The following PRRC2A variants were observed in gnomAD, a reference collection of about 807,000 sequenced individuals.
The protein encoded by PRRC2A is protein PRRC2A.
PRRC2A carries 59 observed loss-of-function variants against 224.6 expected under a neutral mutation model. The ratio of observed to expected loss-of-function variants is 0.26; its 90% CI spans 0.21 to 0.33. PRRC2A has a LOEUF of 0.33. Among genes scored for constraint, PRRC2A ranks in the 10% least tolerant of loss-of-function variants. PRRC2A has a pLI of 1.00. For synonymous variants in PRRC2A, 1,194 were observed against 1,109.5 expected (o/e 1.08, Z -1.51); for missense variants, 3,095 against 2,880.7 (o/e 1.07, Z -1.70).
chr6:31,630,522 A>G, intron 14 of PRRC2A, 69 bp from the exon 15 acceptor site: 16 of 1,532,836 alleles, frequency 1.0e-5, no homozygotes, highest in South Asian at 1.1e-5. Context: ...CCGCGAGGGG[A>G]GATGCTTTTT....
In PRRC2A at chr6:31,626,038, G is replaced by A. The variant is rs147717718; in HGVS notation, c.858G>A (p.Ala286=). 3.7e-6 allele frequency: 6 copies of A among 1,605,476 alleles called. No individual in the cohort carries two copies. Among genetic ancestry groups the A allele is most frequent in the Non-Finnish European group, 5.1e-6 (6 of 1,176,718 alleles). ...PDGPSRFPRV[A]GPRGSGPPMR... is the part of the protein sequence containing the mutation. The stretch of plus-strand genomic sequence containing the variant: ...TGTACAGCCGTTTTCCCCGTGTGGC[G>A]GGCCCCCGAGGCTCAGGGCCACCAA... The change falls in exon 9 of 31, where the codon GCG becomes GCA. Residue 286 remains alanine, a synonymous_variant. Transcript: ENST00000376033.
Position 31,633,596 on chromosome 6 carries a change from A to C in PRRC2A, c.4537A>C (p.Arg1513=). The C allele has an allele frequency of 6.2e-7, 1 of 1,612,898 alleles. No homozygotes were observed. The highest frequency in any genetic ancestry group is 8.5e-7 in the Non-Finnish European group (1 of 1,179,884). ...CCAAGCCCCTCAGGGCCCCTCTCCT[A>C]GGCCCCCAACCCGATACGAGCCCCA... ...LPQAPQGPSP[R]PPTRYEPQRV... The change falls in exon 17 of 31, where the codon AGG becomes CGG. Residue 1513 remains arginine, a synonymous_variant. Coordinates refer to ENST00000376033, the MANE Select transcript of PRRC2A (RefSeq NM_004638.4).
rs1424331062 is a variant in PRRC2A, at chr6:31,628,042, C to T, written c.1568C>T (p.Ala523Val). 6.2e-7 allele frequency: 1 copy of T among 1,612,798 alleles called. No individual in the cohort carries two copies. The highest frequency in any genetic ancestry group is 1.3e-5 in the African/African-American group (1 of 75,046). The change falls in exon 12 of 31, where the codon GCA becomes GTA. Residue 523 changes from alanine to valine, a missense_variant. By Grantham distance (64) the Ala-to-Val change is moderately conservative. This residue lies in a region of PRRC2A where 2,001 missense variants were observed against 1,764.9 expected (regional missense o/e 1.13). Transcript: ENST00000376033. ...CCTTCTACCCCAGCTCCACCACCTG[C>T]AGTCCCTAAAGAACTCCCTGCACCT... ...AAPSTPAPPPAVPKELPAPPA... is the reference protein window; with the variant it reads ...AAPSTPAPPPVVPKELPAPPA...
rs773441075 is a variant in PRRC2A at position 31,631,698 on chromosome 6, C to T, written c.3025C>T (p.Leu1009Phe). 6.6e-7 allele frequency: 1 copy of T among 1,516,728 alleles called. No individual in the cohort carries two copies. The highest frequency in any genetic ancestry group is 2.3e-5 in the East Asian group (1 of 43,718). The allele number at this position is 1,516,728 out of a possible 1,614,324, so 94.0% of individuals were successfully genotyped here. A position where few individuals can be genotyped will look rare whatever the true frequency, so the allele number is the denominator to read the frequency against. Reference sequence around the variant, plus strand: ...TGGAAATCTTTCCCCTGCCCCAAGGCTTCGGAGGGACTATTCGTATGAAAG... The same window carrying T: ...TGGAAATCTTTCCCCTGCCCCAAGGTTTCGGAGGGACTATTCGTATGAAAG... ...PNGNLSPAPR[L>F]RRDYSYERVG... The change falls in exon 16 of 31, where the codon CTT becomes TTT. Residue 1009 changes from leucine (L) to phenylalanine (F), a missense_variant. Leu to Phe is a conservative substitution (Grantham distance 22, BLOSUM62 0). This residue lies in a region of PRRC2A where 2,001 missense variants were observed against 1,764.9 expected (regional missense o/e 1.13). Transcript: ENST00000376033. This position sits in a 1 kb window ranked among gnomAD's most constrained non-coding sequence, Gnocchi z 4.5.
At position 31,636,081 on chromosome 6, in the gene PRRC2A, A is replaced by G. The variant is rs747008651; in HGVS notation, c.5624+32A>G. Reference sequence around the variant, plus strand: ...CTCGATGCCTGTGGATCACAGAAGTACTTGGAGATGTGTTTCGGGGAGAGG... The same window carrying G: ...CTCGATGCCTGTGGATCACAGAAGTGCTTGGAGATGTGTTTCGGGGAGAGG... On this transcript the variant is annotated intron_variant, in intron 25 of 30. Transcript: ENST00000376033. The surrounding 1 kb of genome is among the most constrained non-coding windows in gnomAD (Gnocchi z 4.3). The G allele has an allele frequency of 6.3e-7, 1 of 1,587,818 alleles. No homozygotes were observed. The highest frequency in any genetic ancestry group is 8.6e-7 in the Non-Finnish European group (1 of 1,156,408).
chr6:31,625,517 A>G lies in PRRC2A; in HGVS notation c.665A>G (p.Asp222Gly). ...GGCCCTGATGAGCTGGAGGGCCCGG[A>G]CTCCAAACTTCATCATGGTCATGAT... ...GRGPDELEGP[D>G]SKLHHGHDPR... The change falls in exon 7 of 31, where the codon GAC becomes GGC. Residue 222 changes from aspartate to glycine, a missense_variant. Transcript: ENST00000376033. This position sits in a 1 kb window ranked among gnomAD's most constrained non-coding sequence, Gnocchi z 4.1. 1 of 1,581,114 alleles carries G rather than the reference A, an allele frequency of 6.3e-7. No homozygotes were observed. Among genetic ancestry groups the G allele is most frequent in the Non-Finnish European group, 8.6e-7 (1 of 1,159,920 alleles).
intron 14 of PRRC2A, 101 bp downstream of exon 14, chr6:31,629,946 A>G: frequency 6.5e-7 from 1 of 1,530,356 alleles, no homozygotes; most frequent in Non-Finnish European, 8.8e-7. Flanking sequence ...GGTTTTGCCC[A>G]TCATAGTGAT....
At position 31,631,894 on chromosome 6, in the gene PRRC2A, A is replaced by G. The variant is rs1024198900; in HGVS notation, c.3221A>G (p.Asn1074Ser). Residue 1074 changes from asparagine to serine, a missense_variant, in exon 16 of 31, where the codon AAC becomes AGC. Around this residue, in one of 8 missense-constraint regions of PRRC2A, gnomAD observed 2,001 missense variants for 1,764.9 expected, o/e 1.13. Coordinates refer to ENST00000376033, the MANE Select transcript of PRRC2A (RefSeq NM_004638.4). The surrounding 1 kb of genome is among the most constrained non-coding windows in gnomAD (Gnocchi z 4.5). ...CGTGGAGGTGGGACAGGGGGACCAA[A>G]CCACCCTCCTGCTCCCCGAGGCCGC... Reference protein sequence around the residue: ...DGRGGGTGGPNHPPAPRGRTA... With the variant: ...DGRGGGTGGPSHPPAPRGRTA... 6.2e-7 allele frequency: 1 copy of G among 1,611,522 alleles called. No individual in the cohort carries two copies. Among genetic ancestry groups the G allele is most frequent in the South Asian group, 1.1e-5 (1 of 90,894 alleles).
rs1389851793 is a variant in PRRC2A, at chr6:31,632,314, T to C, written c.3641T>C (p.Ile1214Thr). 1 of 1,613,118 alleles carries C rather than the reference T, an allele frequency of 6.2e-7. No homozygotes were observed. Among genetic ancestry groups the C allele is most frequent in the Admixed American group, 1.7e-5 (1 of 59,986 alleles). ...AAGGAGCCTTTGAAAGAGAAGTTGA[T>C]CCCAGGGCCTCTGTCCCCTGTGGCG... ...PSKEPLKEKLIPGPLSPVARG... is the reference protein window; with the variant it reads ...PSKEPLKEKLTPGPLSPVARG... Residue 1214 changes from isoleucine (I) to threonine (T), a missense_variant, in exon 16 of 31, where the codon ATC becomes ACC. Transcript: ENST00000376033.
rs1777001120 is a variant in PRRC2A, at chr6:31,633,916, ACTCTGCCGGGGTTAGTCC to A, written c.4649_4666del (p.Ser1550_Pro1555del). The A allele has an allele frequency of 6.3e-7, 1 of 1,585,266 alleles. No individual in the cohort carries two copies. Among genetic ancestry groups the A allele is most frequent in the Admixed American group, 2.0e-5 (1 of 49,352 alleles). ...AGAGGGGTGGGTGGGACTCCTCGGG[ACTCTGCCGGGGTTAGTCC>A]CTTTCCCCCTAAACGTCGGGAGCGG... On this transcript the variant is annotated inframe_deletion, in exon 18 of 31. Transcript: ENST00000376033.
rs755647076 is a variant in PRRC2A at position 31,637,309 on chromosome 6, C to G, written c.6318C>G (p.Val2106=). The G allele has an allele frequency of 3.7e-6, 6 of 1,611,836 alleles. No homozygotes were observed. The highest frequency in any genetic ancestry group is 4.5e-5 in the East Asian group (2 of 44,872). ...GTGGAGTCTTCCGCACCCAGCGCGT[C>G]GACCTTTACCAGCAGGTGAAGGAGA... ...TYSGVFRTQR[V]DLYQQASPPD... Residue 2106 remains valine (V), a synonymous_variant, in exon 30 of 31, where the codon GTC becomes GTG. Transcript: ENST00000376033.
chr6:31,631,356 G>A lies in PRRC2A; in HGVS notation c.2683G>A (p.Gly895Arg). 1 of 1,602,258 alleles carries A rather than the reference G, an allele frequency of 6.2e-7. No individual in the cohort carries two copies. Among genetic ancestry groups the A allele is most frequent in the East Asian group, 2.2e-5 (1 of 44,728 alleles). Reference protein sequence around the residue: ...PPKEETAQLTGPEAGRKPARG... With the variant: ...PPKEETAQLTRPEAGRKPARG... ...TAAGGAGGAGACTGCACAGCTGACGGGGCCAGAAGCAGGCCGAAAGCCTGC... is the reference window on the plus strand; with the variant it reads ...TAAGGAGGAGACTGCACAGCTGACGAGGCCAGAAGCAGGCCGAAAGCCTGC... The change falls in exon 16 of 31, where the codon GGG becomes AGG. Residue 895 changes from glycine to arginine, a missense_variant. Gly to Arg is a moderately radical substitution (Grantham distance 125, BLOSUM62 -2). Coordinates refer to ENST00000376033, the MANE Select transcript of PRRC2A (RefSeq NM_004638.4). The surrounding 1 kb of genome is among the most constrained non-coding windows in gnomAD (Gnocchi z 4.5).
Position 31,626,152 on chromosome 6 carries a change from T to C in PRRC2A, c.972T>C (p.Asp324=), listed in dbSNP as rs772565945. The change falls in exon 9 of 31, where the codon GAT becomes GAC. Residue 324 remains aspartate, a synonymous_variant. Coordinates refer to ENST00000376033, the MANE Select transcript of PRRC2A (RefSeq NM_004638.4). ...ATCAGTTGGATCAGGAGAATGATGA[T>C]GGTTGGGCAGGTAAGTGGATATTAA... ...EFDQLDQEND[D]GWAGAHEEVD... The C allele has an allele frequency of 8.1e-6, 13 of 1,612,274 alleles. No homozygotes were observed. The highest frequency in any genetic ancestry group is 1.1e-5 in the South Asian group (1 of 90,920).
In PRRC2A at chr6:31,625,996, T is replaced by C; in HGVS notation, c.840-24T>C. On this transcript the variant is annotated intron_variant, in intron 8 of 30. Transcript: ENST00000376033. The surrounding 1 kb of genome is among the most constrained non-coding windows in gnomAD (Gnocchi z 4.1). ...GCATGTGGTTATACAACATGCCATA[T>C]TTCATTTTCTTTTTTGTGTACAGCC... is the stretch of plus-strand genomic sequence containing the variant. The C allele has an allele frequency of 6.2e-7, 1 of 1,609,910 alleles. No individual in the cohort carries two copies. The highest frequency in any genetic ancestry group is 2.2e-5 in the East Asian group (1 of 44,844).
rs768923086 is a variant in PRRC2A at position 31,633,917 on chromosome 6, C to T, written c.4647C>T (p.Asp1549=). The T allele has an allele frequency of 1.9e-6, 3 of 1,585,846 alleles. No individual in the cohort carries two copies. Among genetic ancestry groups the T allele is most frequent in the Admixed American group, 2.0e-5 (1 of 49,426 alleles). Residue 1549 remains aspartate (D), a synonymous_variant, in exon 18 of 31, where the codon GAC becomes GAT. Coordinates refer to ENST00000376033, the MANE Select transcript of PRRC2A (RefSeq NM_004638.4). ...GAGGGGTGGGTGGGACTCCTCGGGA[C>T]TCTGCCGGGGTTAGTCCCTTTCCCC... ...MVRGVGGTPR[D]SAGVSPFPPK... is the part of the protein sequence containing the mutation.
Position 31,636,866 on chromosome 6 carries a change from T to C in PRRC2A, c.6068T>C (p.Val2023Ala). Residue 2023 changes from valine (V) to alanine (A), a missense_variant, in exon 28 of 31, where the codon GTG (valine) becomes GCG (alanine). Transcript: ENST00000376033. The surrounding 1 kb of genome is among the most constrained non-coding windows in gnomAD (Gnocchi z 4.3). Reference sequence around the variant, plus strand: ...GCTCTGCAGCCCCCCAGCCTGGCTGTGCGGCCCCCACCTGCTCCTGCTACT... The same window carrying C: ...GCTCTGCAGCCCCCCAGCCTGGCTGCGCGGCCCCCACCTGCTCCTGCTACT... Reference protein sequence around the residue: ...GPALQPPSLAVRPPPAPATRV... With the variant: ...GPALQPPSLAARPPPAPATRV... 1 of 1,612,858 alleles carries C rather than the reference T, an allele frequency of 6.2e-7. No homozygotes were observed. The highest frequency in any genetic ancestry group is 2.2e-5 in the East Asian group (1 of 44,882).
Position 31,629,269 on chromosome 6 carries a change from A to T in PRRC2A, c.1891A>T (p.Ser631Cys). ...DGIGPTRQPP[S>C]QGLGYPKYQK... ...GATTGGTCCCACCCGCCAGCCCCCT[A>T]GTCAGGGCTTGGGCTACCCCAAATA... Residue 631 changes from serine to cysteine, a missense_variant, in exon 13 of 31, where the codon AGT becomes TGT. This residue lies in a region of PRRC2A where 2,001 missense variants were observed against 1,764.9 expected (regional missense o/e 1.13). Transcript: ENST00000376033. 3.1e-6 allele frequency: 5 copies of T among 1,608,102 alleles called. No homozygotes were observed. The South Asian group carries it at 5.5e-5, about 18-fold the overall frequency.
At position 31,632,853 on chromosome 6, in the gene PRRC2A, C is replaced by T. The variant is rs150887211; in HGVS notation, c.4180C>T (p.Arg1394Trp). The T allele has an allele frequency of 3.0e-5, 49 of 1,612,930 alleles. No individual in the cohort carries two copies. Among genetic ancestry groups the T allele is most frequent in the South Asian group, 5.5e-5 (5 of 91,078 alleles). Residue 1394 changes from arginine (R) to tryptophan (W), a missense_variant, in exon 16 of 31, where the codon CGG becomes TGG. Physicochemically the swap from Arg to Trp is moderately radical, Grantham distance 101. Transcript: ENST00000376033. ...CTCAAGTCAGCGGCCAGGCATGGAACGGCAGAATCGGCGCCCTGGCCCAGG... is the reference window on the plus strand; with the variant it reads ...CTCAAGTCAGCGGCCAGGCATGGAATGGCAGAATCGGCGCCCTGGCCCAGG... ...SFSSQRPGME[R>W]QNRRPGPGGK...
Position 31,630,681 on chromosome 6 carries a change from C to T in PRRC2A, c.2345C>T (p.Thr782Ile), listed in dbSNP as rs768703744. Reference protein sequence around the residue: ...HAPAMLRERGTPPVDPKLAWV... With the variant: ...HAPAMLRERGIPPVDPKLAWV... Reference sequence around the variant, plus strand: ...CCTGCTATGTTACGGGAACGGGGCACTCCACCGGTGGATCCAAAGTTGGCC... The same window carrying T: ...CCTGCTATGTTACGGGAACGGGGCATTCCACCGGTGGATCCAAAGTTGGCC... Residue 782 changes from threonine to isoleucine, a missense_variant, in exon 15 of 31, where the codon ACT (threonine) becomes ATT (isoleucine). Coordinates refer to ENST00000376033, the MANE Select transcript of PRRC2A (RefSeq NM_004638.4). The T allele has an allele frequency of 6.2e-7, 1 of 1,614,142 alleles. No homozygotes were observed. The highest frequency in any genetic ancestry group is 8.5e-7 in the Non-Finnish European group (1 of 1,180,026).
Sources: gnomAD v4.1 joint callset for allele counts on GRCh38, gnomAD v4.1.1 for gene constraint, gnomAD v4.1.1 regional missense constraint, Gnocchi (gnomAD v3.1) non-coding constraint, MANE v1.5 for transcripts, NCBI Gene and HGNC (gene_info 2026-07-23, HGNC 2026-07-21) for gene names.